Variants in PDXDC1 observed in about 807,000 individuals in gnomAD.
The protein encoded by PDXDC1 is pyridoxal dependent decarboxylase domain containing 1, also known as pyridoxal-dependent decarboxylase domain-containing protein 1.
In PDXDC1, 42 loss-of-function variants were observed where a neutral mutation model predicts 100.1. The ratio of observed to expected loss-of-function variants is 0.42; its 90% CI spans 0.33 to 0.54. PDXDC1 has a LOEUF of 0.54. PDXDC1 is among the 20% of genes least tolerant of loss of function. PDXDC1 has a pLI of 0.10. For missense variants in PDXDC1, 636 were observed against 979.2 expected (o/e 0.65, Z 4.68); for synonymous variants, 260 against 371.7 (o/e 0.70, Z 3.46).
chr16:15,127,844 C>A lies in PDXDC1; in HGVS notation c.1400-11035C>A, dbSNP rs755935584. ...AGCCAGATGTGCTTGTCAAAGAAGC[C>A]GCACTGCAGCTCAGCCACCAGCAGG... is the stretch of plus-strand genomic sequence containing the variant. On this transcript the variant is annotated intron_variant, in intron 16 of 16. Transcript: ENST00000535621. 3.8e-6 allele frequency: 6 copies of A among 1,565,886 alleles called. No homozygotes were observed. The South Asian group carries it at 5.8e-5, about 15-fold the overall frequency.
downstream of PDXDC1, among the ~76,000 whole-genome samples, chr16:15,143,220 G>C (rs2048502259): frequency 6.6e-6 from 1 of 152,106 alleles, no homozygotes; most frequent in South Asian, 2.1e-4. Context: ...GCGGCTGCTG[G>C]GGCACCACTG....
rs902659863 is a variant in PDXDC1, at chr16:15,033,345, T to C, written c.1758T>C (p.Ala586=). The change falls in exon 19 of 23, where the codon GCT becomes GCC. Residue 586 remains alanine, a synonymous_variant. Coordinates refer to ENST00000396410, the MANE Select transcript of PDXDC1 (RefSeq NM_015027.4). ...VGMASDNVDA[A]ELVETIAATA... is the part of the protein sequence containing the mutation. ...TGGCGAGCGACAACGTCGATGCTGC[T>C]GAGCTCGTGGAGACCATTGCGGCCA... 5 of 1,614,178 alleles carry C rather than the reference T, an allele frequency of 3.1e-6. No homozygotes were observed. The highest frequency in any genetic ancestry group is 4.2e-6 in the Non-Finnish European group (5 of 1,180,008).
intron 12 of PDXDC1, among the ~76,000 whole-genome samples, chr16:15,020,003 T>G (rs1449345936): frequency 6.6e-6 from 1 of 151,470 alleles, no homozygotes; most frequent in Non-Finnish European, 1.5e-5. Context: ...TCCCAGCTGC[T>G]CAGGAGGCTG....
intron 16 of PDXDC1, among the ~76,000 whole-genome samples, chr16:15,109,735 C>A (rs1179995193): frequency 7.9e-6 from 1 of 126,846 alleles, no homozygotes; most frequent in African/African-American, 3.0e-5. Context: ...ACCTGTAATC[C>A]AAGCTACTCG....
In PDXDC1 at chr16:15,011,215, C is replaced by G. The variant is rs1469266550; in HGVS notation, c.727+1456C>G. On this transcript the variant is annotated intron_variant, in intron 8 of 22. Coordinates refer to ENST00000396410, the MANE Select transcript of PDXDC1 (RefSeq NM_015027.4). ...AGCAAGTAAGACTGTGTGAGATTAA[C>G]CAAAGAAAATAGAGAATTCAGAAAT... is the stretch of plus-strand genomic sequence containing the variant. Among the ~76,000 whole-genome samples the G allele has an allele frequency of 5.3e-5, 8 of 152,286 alleles. No homozygotes were observed. The East Asian group carries it at 1.5e-3, about 29-fold the overall frequency.
At chr16:15,074,916 T>C in intron 16 of PDXDC1, 4 of 1,522,160 alleles carry the variant, frequency 2.6e-6, no homozygotes, top group South Asian at 1.2e-5. Context: ...CAAAGTGGTT[T>C]AGTAGGAAAA....
At chr16:15,119,364 A>T (rs979903198) in intron 16 of PDXDC1, 5 of 262,910 alleles carry the variant, frequency 1.9e-5, no homozygotes, top group Non-Finnish European at 2.9e-5. Flanking sequence ...GCCACACATA[A>T]CATACACTAA....
chr16:15,119,825 GT>G (rs1286964620), intron 16 of PDXDC1, among the ~76,000 whole-genome samples: 2 of 150,080 alleles, frequency 1.3e-5, no homozygotes, highest in Non-Finnish European at 3.0e-5. Flanking sequence ...TGCCTCTCAG[GT>G]TCAAGTGATT....
At position 15,106,687 on chromosome 16, in the gene PDXDC1, G is replaced by A. The variant is rs1486526715; in HGVS notation, c.1400-32192G>A. On this transcript the variant is annotated intron_variant, in intron 16 of 16. Coordinates refer to the PDXDC1 transcript ENST00000535621. ...GGGGAATCACTTGAACCTGGGAGGCGGAGGTTGCAGTGAGCCAAGATCACG... is the reference window on the plus strand; with the variant it reads ...GGGGAATCACTTGAACCTGGGAGGCAGAGGTTGCAGTGAGCCAAGATCACG... 9.4e-4 allele frequency among the ~76,000 whole-genome samples: 131 copies of A among 140,078 alleles called. 2 individuals are homozygous for A. Among genetic ancestry groups the A allele is most frequent in the Middle Eastern group, 7.2e-3 (2 of 276 alleles). The allele number at this position is 140,078 out of a possible 152,430, so 91.9% of individuals were successfully genotyped here. A position where few individuals can be genotyped will look rare whatever the true frequency, so the allele number is the denominator to read the frequency against.
In PDXDC1 at chr16:15,036,303, T is replaced by G; in HGVS notation, c.*28T>G. The G allele has an allele frequency of 6.3e-7, 1 of 1,578,318 alleles. No homozygotes were observed. Among genetic ancestry groups the G allele is most frequent in the Non-Finnish European group, 8.6e-7 (1 of 1,156,180 alleles). On this transcript the variant is annotated 3_prime_UTR_variant, in exon 23 of 23. Coordinates refer to ENST00000396410, the MANE Select transcript of PDXDC1 (RefSeq NM_015027.4). ...CTCATTGTGTGGTTTGAGACTGTACTGAGTATTGTTTCAGGGAAGATGAAG... is the reference window on the plus strand; with the variant it reads ...CTCATTGTGTGGTTTGAGACTGTACGGAGTATTGTTTCAGGGAAGATGAAG...
In PDXDC1 at chr16:15,127,884, C is replaced by A. The variant is rs761984117; in HGVS notation, c.1400-10995C>A. ...CCACCAGCAGGCGCCGGAAGCGCAA[C>A]AGGGCTGCGTGACCTAGAAGGCAGG... On this transcript the variant is annotated intron_variant, in intron 16 of 16. Coordinates refer to the PDXDC1 transcript ENST00000535621. The A allele has an allele frequency of 5.8e-6, 9 of 1,550,518 alleles. No homozygotes were observed. In the South Asian group the frequency reaches 1.0e-4, roughly 18 times the overall value.
At chr16:15,004,816 A>T (rs1235048563) in intron 5 of PDXDC1, among the ~76,000 whole-genome samples, 6 of 152,264 alleles carry the variant, frequency 3.9e-5, no homozygotes, top group African/African-American at 1.4e-4. Flanking sequence ...ATCTTCCCAT[A>T]TACTTTAATC....
intron 16 of PDXDC1, chr16:15,061,378 C>A: frequency 4.6e-6 from 1 of 217,234 alleles, no homozygotes; most frequent in Non-Finnish European, 9.0e-6. Flanking sequence ...GACAAAAACC[C>A]ATGTTAAAAC....
At chr16:15,099,546 G>A (rs1465593270) in intron 16 of PDXDC1, among the ~76,000 whole-genome samples, 1 of 151,588 alleles carries the variant, frequency 6.6e-6, no homozygotes, top group Non-Finnish European at 1.5e-5. Context: ...TTGTCCTGTG[G>A]GCCAACTCAT....
intron 3 of PDXDC1, among the ~76,000 whole-genome samples, chr16:15,000,631 G>T (rs1010822087): frequency 6.6e-6 from 1 of 152,286 alleles, no homozygotes; most frequent in Non-Finnish European, 1.5e-5. Context: ...TCAGCCGTTC[G>T]AATTCTTTTC....
chr16:15,149,458 G>T, the PDXDC1 span, among the ~76,000 whole-genome samples: 1 of 152,196 alleles, frequency 6.6e-6, no homozygotes, highest in South Asian at 2.1e-4. Flanking sequence ...GCCCCTCCGT[G>T]GCCTGGCCAG....
intron 16 of PDXDC1, among the ~76,000 whole-genome samples, chr16:15,066,632 CAAAT>C (rs1210682584): frequency 7.6e-6 from 1 of 131,616 alleles, no homozygotes; most frequent in Non-Finnish European, 1.7e-5. Context: ...GACCTTGTCT[CAAAT>C]AAAAAAAAAA....
At chr16:14,977,360 A>G (rs1966936248) in intron 1 of PDXDC1, among the ~76,000 whole-genome samples, 1 of 140,016 alleles carries the variant, frequency 7.1e-6, no homozygotes, top group Admixed American at 8.4e-5. Context: ...GATCCCTGCA[A>G]CCTCCGCCTC....
intron 15 of PDXDC1, 75 bp downstream of exon 15, chr16:15,029,041 C>T (rs755093095): frequency 1.8e-5 from 27 of 1,508,052 alleles, no homozygotes; most frequent in South Asian, 4.7e-5. Flanking sequence ...GAGGGTGACG[C>T]GTGCTCGTGT....
Sources: allele counts gnomAD v4.1 joint callset (sites outside exome capture counted in the v4.1 genomes callset), GRCh38; gene constraint gnomAD v4.1.1; transcripts MANE v1.5; gene names NCBI Gene and HGNC (gene_info 2026-07-23, HGNC 2026-07-21).